KYNU: variants seen among roughly 807,000 people sequenced by gnomAD.
KYNU encodes the protein kynureninase, also known as L-kynurenine hydrolase.
KYNU carries 54 observed loss-of-function variants against 59.2 expected under a neutral mutation model. That is an observed-to-expected ratio of 0.91 (90% CI 0.73 to 1.14). The LOEUF (loss-of-function observed/expected upper bound fraction) is 1.14, where lower values mean the gene tolerates loss of function less well. Ranked by LOEUF, KYNU falls within the 50% of genes most tolerant of loss-of-function variation. The pLI, the probability that KYNU is intolerant of heterozygous loss-of-function variation, is 0.00. For synonymous variants in KYNU, 177 were observed against 192.0 expected, an observed-to-expected ratio of 0.92 and a Z score of 0.65; for missense variants, 567 against 554.4, an observed-to-expected ratio of 1.02 and a Z score of -0.23.
rs780720490 is a variant in KYNU, at chr2:142,927,694, G to C, written c.326G>C (p.Trp109Ser). ...GGTCATGAAGTGGGGAAGCGTCCTT[G>C]GATTACAGGAGATGAGAGTATTGTA... ...AYGHEVGKRP[W>S]ITGDESIVGL... The change falls in exon 4 of 14, where the codon TGG becomes TCG. Residue 109 changes from tryptophan to serine, a missense_variant. Trp to Ser is a radical substitution (Grantham distance 177). Coordinates refer to ENST00000264170, the MANE Select transcript of KYNU (RefSeq NM_003937.3). 3 of 1,613,324 alleles carry C rather than the reference G, an allele frequency of 1.9e-6. No homozygotes were observed. Among genetic ancestry groups the C allele is most frequent in the Non-Finnish European group, 1.7e-6 (2 of 1,179,474 alleles).
chr2:142,939,602 C>CA (rs71301737), intron 4 of KYNU, among the ~76,000 whole-genome samples: 1,922 of 65,080 alleles, frequency 0.03, 118 homozygotes, highest in Admixed American at 0.11. Context: ...CTCCATCTCA[C>CA]AAAAAAAAAA....
rs1361057071 is a variant in KYNU at position 143,054,048 on chromosome 2, C to T, written c.*11876C>T. On this transcript the variant is annotated 3_prime_UTR_variant, in exon 14 of 14. Coordinates refer to ENST00000264170, the MANE Select transcript of KYNU (RefSeq NM_003937.3). ...CACATTTTGGTGACCAGAGGTAAAG[C>T]ATTTTATGTTGATTCTTGAGTGAGA... is the stretch of plus-strand genomic sequence containing the variant. The T allele has an allele frequency of 2.0e-5, 3 of 152,130 alleles. No individual in the cohort carries two copies. Among genetic ancestry groups the T allele is most frequent in the East Asian group, 1.9e-4 (1 of 5,204 alleles). 9.4% of individuals were successfully genotyped at this position (152,130 alleles called of 1,614,324 possible). A position where few individuals can be genotyped will look rare whatever the true frequency, so the allele number is the denominator to read the frequency against.
chr2:142,910,432 C>T (rs1021095379), intron 2 of KYNU, among the ~76,000 whole-genome samples: 3 of 152,002 alleles, frequency 2.0e-5, no homozygotes, highest in Admixed American at 6.6e-5. Flanking sequence ...ATTTGTTTCT[C>T]GCTTGTCGAA....
At chr2:142,918,173 T>G (rs950056120) in intron 2 of KYNU, among the ~76,000 whole-genome samples, 11 of 152,314 alleles carry the variant, frequency 7.2e-5, no homozygotes, top group South Asian at 2.1e-4. Flanking sequence ...TGTAAATAAT[T>G]ATTTGCATTT....
intron 10 of KYNU, among the ~76,000 whole-genome samples, chr2:142,990,942 A>T (rs755948528): frequency 2.0e-5 from 3 of 151,892 alleles, no homozygotes; most frequent in African/African-American, 7.2e-5. Context: ...AGGCTGGCTG[A>T]CTTCAGTGCA....
rs914990977 is a variant in KYNU at position 142,877,665 on chromosome 2, C to A, written c.-91C>A. ...TTCTCACCCTAAGATCTGGCCTGTA[C>A]ATTTTCAAGGAATTCTTGAGAGGTT... is the stretch of plus-strand genomic sequence containing the variant. On this transcript the variant is annotated 5_prime_UTR_variant, in exon 1 of 14. Coordinates refer to ENST00000264170, the MANE Select transcript of KYNU (RefSeq NM_003937.3). 15 of 152,164 alleles carry A rather than the reference C, an allele frequency of 9.9e-5. No homozygotes were observed. Among genetic ancestry groups the A allele is most frequent in the African/African-American group, 3.4e-4 (14 of 41,424 alleles). The allele number at this position is 152,164 out of a possible 1,614,324, so 9.4% of individuals were successfully genotyped here.
chr2:143,014,775 A>G (rs1573901839), intron 10 of KYNU, among the ~76,000 whole-genome samples: 1 of 152,230 alleles, frequency 6.6e-6, no homozygotes. Context: ...AAACAATAGG[A>G]TATGAGTAGT....
chr2:143,003,138 C>T lies in KYNU; in HGVS notation c.902+17117C>T, dbSNP rs72990726. ...ATATACATCATGATAAACATTAGTACATTAAATAAGCAATTACTTTCTAAG... is the reference window on the plus strand; with the variant it reads ...ATATACATCATGATAAACATTAGTATATTAAATAAGCAATTACTTTCTAAG... On this transcript the variant is annotated intron_variant, in intron 10 of 13. Transcript: ENST00000264170. Among the ~76,000 whole-genome samples, 1,451 of 152,288 alleles carry T rather than the reference C, an allele frequency of 9.5e-3. 20 individuals are homozygous for T. Among genetic ancestry groups the T allele is most frequent in the African/African-American group, 0.033 (1,376 of 41,542 alleles).
intron 10 of KYNU, among the ~76,000 whole-genome samples, chr2:143,010,555 A>G: frequency 7.4e-6 from 1 of 135,390 alleles, no homozygotes; most frequent in Non-Finnish European, 1.5e-5. Context: ...GAATTGGAAA[A>G]AACTACTTTA....
chr2:142,895,278 C>T (rs1159187574), intron 2 of KYNU, among the ~76,000 whole-genome samples: 2 of 152,096 alleles, frequency 1.3e-5, no homozygotes, highest in African/African-American at 4.8e-5. Flanking sequence ...TATGCTAGCC[C>T]TTTGTAACCA....
intron 1 of KYNU, among the ~76,000 whole-genome samples, chr2:142,882,058 A>G (rs377527239): frequency 3.3e-5 from 5 of 151,642 alleles, no homozygotes; most frequent in East Asian, 3.9e-4. Flanking sequence ...AGCCTGCTAA[A>G]CTGAATTCCA....
intron 4 of KYNU, among the ~76,000 whole-genome samples, chr2:142,928,717 G>C (rs764936086): frequency 2.6e-5 from 4 of 152,020 alleles, no homozygotes; most frequent in Non-Finnish European, 5.9e-5. Context: ...GGACATAAAA[G>C]TGAATAAGGG....
At chr2:142,900,589 T>TAA (rs1682043927) in intron 2 of KYNU, among the ~76,000 whole-genome samples, 1 of 152,200 alleles carries the variant, frequency 6.6e-6, no homozygotes, top group African/African-American at 2.4e-5. Context: ...TGAGTTAAGT[T>TAA]GCAAGCCCCA....
At chr2:142,979,772 A>G (rs1484190598) in intron 8 of KYNU, among the ~76,000 whole-genome samples, 1 of 152,052 alleles carries the variant, frequency 6.6e-6, no homozygotes, top group African/African-American at 2.4e-5. Flanking sequence ...ACGTAGTGAG[A>G]ACTCATCTAC....
At chr2:143,024,129 C>T (rs1037159358) in intron 10 of KYNU, among the ~76,000 whole-genome samples, 1 of 151,678 alleles carries the variant, frequency 6.6e-6, no homozygotes, top group Non-Finnish European at 1.5e-5. Context: ...ATGAGGGATA[C>T]TTTTGTCAAT....
At chr2:142,982,042 T>G (rs1331901943) in intron 8 of KYNU, among the ~76,000 whole-genome samples, 1 of 152,130 alleles carries the variant, frequency 6.6e-6, no homozygotes, top group Non-Finnish European at 1.5e-5. Flanking sequence ...GGAAAACACC[T>G]GTATTTGTAA....
chr2:142,910,688 A>G, intron 2 of KYNU, among the ~76,000 whole-genome samples: 1 of 152,134 alleles, frequency 6.6e-6, no homozygotes. Flanking sequence ...GTTTTCTTCT[A>G]GGAATTTTAT....
intron 10 of KYNU, chr2:142,988,933 C>T: frequency 1.3e-6 from 2 of 1,523,352 alleles, no homozygotes; most frequent in South Asian, 2.3e-5. Flanking sequence ...TTCATTGTCC[C>T]TGATAGGAAA....
chr2:142,926,816 G>C (rs1315173411), intron 3 of KYNU, among the ~76,000 whole-genome samples: 1 of 152,198 alleles, frequency 6.6e-6, no homozygotes, highest in Non-Finnish European at 1.5e-5. Context: ...AGGGCAGGAG[G>C]CTGTAAAACA....
Sources: allele counts gnomAD v4.1 joint callset (sites outside exome capture counted in the v4.1 genomes callset), GRCh38; gene constraint gnomAD v4.1.1; transcripts MANE v1.5; gene names NCBI Gene and HGNC (gene_info 2026-07-23, HGNC 2026-07-21).